The following FRA10AC1 variants were observed in gnomAD, a reference collection of about 807,000 sequenced individuals.
FRA10AC1 encodes FRA10A associated CGG repeat 1, also known as protein FRA10AC1.
A neutral mutation model predicts 56.5 loss-of-function variants in FRA10AC1; 43 were observed. The observed-to-expected ratio is 0.76, with a 90% CI of 0.60 to 0.98. The LOEUF (loss-of-function observed/expected upper bound fraction) is 0.98, where lower values mean the gene tolerates loss of function less well. FRA10AC1 is among the 50% of genes least tolerant of loss of function. FRA10AC1 has a pLI of 0.00. For missense variants in FRA10AC1, 346 were observed against 351.8 expected, an observed-to-expected ratio of 0.98 and a Z score of 0.13; for synonymous variants, 112 against 110.5, an observed-to-expected ratio of 1.01 and a Z score of -0.09.
intron 2 of FRA10AC1, among the ~76,000 whole-genome samples, chr10:93,699,252 C>T (rs1380859659): frequency 6.6e-6 from 1 of 152,060 alleles, no homozygotes; most frequent in Non-Finnish European, 1.5e-5. Context: ...TAGTACTATC[C>T]TTTATTGCAG....
intron 7 of FRA10AC1, among the ~76,000 whole-genome samples, chr10:93,688,303 G>C (rs1314934110): frequency 6.6e-6 from 1 of 152,104 alleles, no homozygotes; most frequent in African/African-American, 2.4e-5. Flanking sequence ...TCCAGAAAAG[G>C]CAAAACTATG....
intron 2 of FRA10AC1, 25 bp from the exon 3 acceptor site, chr10:93,698,421 A>G (rs1342198957): frequency 1.5e-6 from 2 of 1,331,112 alleles, no homozygotes; most frequent in Non-Finnish European, 2.1e-6. Flanking sequence ...AGAAAATAAG[A>G]GTTCACTTTT....
At position 93,687,448 on chromosome 10, in the gene FRA10AC1, A is replaced by G; in HGVS notation, c.467T>C (p.Phe156Ser). The change falls in exon 8 of 14, where the codon TTT (phenylalanine) becomes TCT (serine). Residue 156 changes from phenylalanine to serine, a missense_variant and splice_region_variant. Transcript: ENST00000359204. ...ADLSKYKENK[F>S]GFRWRVEKEV... is the part of the protein sequence containing the mutation. ...TTTTTCTACTCGCCACCTAAATCCA[A>G]ACTGATAATAAAAAAATTACATTTA... 6.6e-7 allele frequency: 1 copy of G among 1,510,972 alleles called. No individual in the cohort carries two copies. Among genetic ancestry groups the G allele is most frequent in the African/African-American group, 1.4e-5 (1 of 71,262 alleles). The allele number at this position is 1,510,972 out of a possible 1,614,324, so 93.6% of individuals were successfully genotyped here.
intron 4 of FRA10AC1, among the ~76,000 whole-genome samples, chr10:93,697,313 G>C (rs2059249805): frequency 6.6e-6 from 1 of 152,258 alleles, no homozygotes; most frequent in African/African-American, 2.4e-5. Flanking sequence ...TATTGGGTTA[G>C]GAGATAAGAA....
intron 10 of FRA10AC1, among the ~76,000 whole-genome samples, chr10:93,682,168 C>T (rs1361452941): frequency 6.6e-6 from 1 of 152,104 alleles, no homozygotes; most frequent in Non-Finnish European, 1.5e-5. Flanking sequence ...TCTTCTAGAG[C>T]AGGTTTACAA....
rs537569011 is a variant in FRA10AC1 at position 93,682,234 on chromosome 10, A to G, written c.669-636T>C. On this transcript the variant is annotated intron_variant, in intron 10 of 13. Transcript: ENST00000359204. ...GTTAAGAAAAGAAATACTAAATGGG[A>G]AAAAGTGATAATGCTGAAATTGGGA... is the stretch of plus-strand genomic sequence containing the variant. 6.6e-5 allele frequency among the ~76,000 whole-genome samples: 10 copies of G among 152,316 alleles called. No individual in the cohort carries two copies. In the South Asian group the frequency reaches 2.1e-3, roughly 32 times the overall value.
At chr10:93,678,989 G>T (rs1253911027) in intron 11 of FRA10AC1, among the ~76,000 whole-genome samples, 5 of 152,152 alleles carry the variant, frequency 3.3e-5, no homozygotes, top group Admixed American at 3.3e-4. Flanking sequence ...AATTAAGGTG[G>T]TCTGGCAAGA....
chr10:93,677,249 C>T (rs893556929), intron 11 of FRA10AC1, among the ~76,000 whole-genome samples: 2 of 151,974 alleles, frequency 1.3e-5, no homozygotes, highest in African/African-American at 4.8e-5. Flanking sequence ...AAAAAAAAAT[C>T]ACCACGATAC....
chr10:93,685,239 AACTT>A lies in FRA10AC1; in HGVS notation c.625+3_625+6del. The A allele has an allele frequency of 7.8e-7, 1 of 1,277,914 alleles. No individual in the cohort carries two copies. The highest frequency in any genetic ancestry group is 1.1e-6 in the Non-Finnish European group (1 of 881,978). The allele number at this position is 1,277,914 out of a possible 1,614,324, so 79.2% of individuals were successfully genotyped here. A position where few individuals can be genotyped will look rare whatever the true frequency, so the allele number is the denominator to read the frequency against. On this transcript the variant is annotated splice_donor_5th_base_variant and intron_variant, in intron 9 of 13. Coordinates refer to ENST00000359204, the MANE Select transcript of FRA10AC1 (RefSeq NM_145246.5). ...AATCAATCATATACCCCCTAAAATC[AACTT>A]ACTTAATTTAACAAGTGCATTTCTC... is the stretch of plus-strand genomic sequence containing the variant.
chr10:93,696,232 T>C (rs1055433474), intron 4 of FRA10AC1, among the ~76,000 whole-genome samples: 3 of 152,198 alleles, frequency 2.0e-5, no homozygotes, highest in African/African-American at 7.2e-5. Flanking sequence ...TTTCTTTTTG[T>C]CTCATGTATC....
Position 93,681,533 on chromosome 10 carries a change from T to G in FRA10AC1, c.734A>C (p.His245Pro), listed in dbSNP as rs1196798390. 3 of 1,581,722 alleles carry G rather than the reference T, an allele frequency of 1.9e-6. No individual in the cohort carries two copies. The highest frequency in any genetic ancestry group is 2.6e-6 in the Non-Finnish European group (3 of 1,168,738). ...KTKKDCEESS[H>P]KKSRLSSAEE... ...TGCAGAAGATAATCTGGATTTTTTA[T>G]GTGATGACTCTTCACAGTCTTTTTT... The change falls in exon 11 of 14, where the codon CAT becomes CCT. Residue 245 changes from histidine (H) to proline (P), a missense_variant. Transcript: ENST00000359204.
At chr10:93,671,039 A>C (rs1459583343) in intron 12 of FRA10AC1, 191 bp from the exon 13 acceptor site, 1 of 483,184 alleles carries the variant, frequency 2.1e-6, no homozygotes, top group Non-Finnish European at 3.7e-6. Context: ...GTTACCAAAG[A>C]ATCTCAGCAA....
chr10:93,691,280 A>T (rs1200347241), intron 7 of FRA10AC1, among the ~76,000 whole-genome samples: 1 of 152,118 alleles, frequency 6.6e-6, no homozygotes, highest in East Asian at 1.9e-4. Flanking sequence ...GACTCAAGCA[A>T]CCTTCTAACC....
At chr10:93,700,001 A>C (rs1192778446) in intron 2 of FRA10AC1, 29 bp downstream of exon 2, 1 of 1,221,140 alleles carries the variant, frequency 8.2e-7, no homozygotes, top group East Asian at 2.3e-5. Flanking sequence ...AGGATGTGAA[A>C]AATAGATCAA....
At chr10:93,698,918 A>T (rs763385259) in intron 2 of FRA10AC1, among the ~76,000 whole-genome samples, 3 of 152,150 alleles carry the variant, frequency 2.0e-5, no homozygotes, top group Non-Finnish European at 2.9e-5. Context: ...ACTTTTTCAC[A>T]TTTTTTTAAA....
chr10:93,676,641 C>T lies in FRA10AC1; in HGVS notation c.826+12G>A. On this transcript the variant is annotated intron_variant, in intron 12 of 13. Coordinates refer to ENST00000359204, the MANE Select transcript of FRA10AC1 (RefSeq NM_145246.5). Reference sequence around the variant, plus strand: ...AATGCATATTTTTATTAAATAAACACTTGTTACTTACTAAGTAGAGAATCT... The same window carrying T: ...AATGCATATTTTTATTAAATAAACATTTGTTACTTACTAAGTAGAGAATCT... 2.6e-6 allele frequency: 4 copies of T among 1,554,372 alleles called. No homozygotes were observed. The Middle Eastern group carries it at 5.1e-4, about 198-fold the overall frequency.
At chr10:93,674,496 G>A (rs1158528707) in intron 12 of FRA10AC1, 1 of 152,156 alleles carries the variant, frequency 6.6e-6, no homozygotes, top group Non-Finnish European at 1.5e-5. Context: ...TGCTTGCTAT[G>A]GTAAATAGCG....
chr10:93,694,974 G>A (rs745371085), intron 4 of FRA10AC1, 37 bp from the exon 5 acceptor site: 1 of 1,089,086 alleles, frequency 9.2e-7, no homozygotes, highest in Non-Finnish European at 1.4e-6. Context: ...ATTCTCTTAG[G>A]AGCTGTTTGG....
chr10:93,684,414 G>T (rs539317659), intron 9 of FRA10AC1, among the ~76,000 whole-genome samples: 30 of 151,846 alleles, frequency 2.0e-4, no homozygotes, highest in Non-Finnish European at 4.0e-4. Context: ...TAATAATAAT[G>T]TGAGTATAGT....
Sources: gnomAD v4.1 joint callset for allele counts (sites outside exome capture counted in the v4.1 genomes callset) on GRCh38, gnomAD v4.1.1 for gene constraint, MANE v1.5 for transcripts, NCBI Gene and HGNC (gene_info 2026-07-23, HGNC 2026-07-21) for gene names.